The following C3 variants were observed in gnomAD, a reference collection of about 807,000 sequenced individuals.
The protein encoded by C3 is C3 and PZP-like alpha-2-macroglobulin domain-containing protein 1.
C3 carries 97 observed loss-of-function variants against 207.9 expected under a neutral mutation model. The ratio of observed to expected loss-of-function variants is 0.47; its 90% confidence interval spans 0.40 to 0.55. The LOEUF (loss-of-function observed/expected upper bound fraction) is 0.55, where lower values mean the gene tolerates loss of function less well. Among genes scored for constraint, C3 ranks in the 20% least tolerant of loss-of-function variants. C3 has a pLI of 0.00. For synonymous variants in C3, 848 were observed against 857.6 expected (o/e 0.99, Z 0.20); for missense variants, 1,684 against 2,171.7 (o/e 0.78, Z 4.46).
chr19:6,678,485 G>A, intron 38 of C3, 30 bp from the exon 39 acceptor site: 1 of 1,600,708 alleles, frequency 6.2e-7, no homozygotes, highest in Non-Finnish European at 8.6e-7. Context: ...AGTTTGGGTG[G>A]TGGGCTAGGT....
intron 26 of C3, 51 bp downstream of exon 26, chr19:6,692,873 G>A (rs760066822): frequency 2.3e-5 from 36 of 1,598,090 alleles, no homozygotes; most frequent in Non-Finnish European, 2.9e-5. Context: ...TTCATCCTGC[G>A]AGACTCAGGA....
chr19:6,705,215 TA>T (rs1459396139), intron 17 of C3, among the ~76,000 whole-genome samples: 1 of 152,208 alleles, frequency 6.6e-6, no homozygotes, highest in African/African-American at 2.4e-5. Context: ...ATGTAAACCA[TA>T]TTTCAGTAGA....
intron 7 of C3, 61 bp downstream of exon 7, chr19:6,713,931 C>T (rs1247878861): frequency 1.9e-6 from 2 of 1,078,142 alleles, no homozygotes; most frequent in African/African-American, 3.9e-5. Flanking sequence ...CCCAGTCCCC[C>T]ACCTGGTCTT....
Position 6,719,430 on chromosome 19 carries a change from C to A in C3, c.75-27G>T, listed in dbSNP as rs778155472. 21 of 1,604,730 alleles carry A rather than the reference C, an allele frequency of 1.3e-5. No homozygotes were observed. The East Asian group carries it at 2.2e-4, about 17-fold the overall frequency. On this transcript the variant is annotated intron_variant, in intron 1 of 40. Coordinates refer to ENST00000245907, the MANE Select transcript of C3 (RefSeq NM_000064.4). The surrounding 1 kb of genome is among the most constrained non-coding windows in gnomAD (Gnocchi z 5.4). ...TGTCGGAGTGGGGCACGGGAGTGGGCTTGTCATTCCACGGATGTGAGACGC... is the reference window on the plus strand; with the variant it reads ...TGTCGGAGTGGGGCACGGGAGTGGGATTGTCATTCCACGGATGTGAGACGC...
chr19:6,684,987 C>G lies in C3; in HGVS notation c.3969+1G>C. 6.2e-7 allele frequency: 1 copy of G among 1,613,350 alleles called. No individual in the cohort carries two copies. The highest frequency in any genetic ancestry group is 8.5e-7 in the Non-Finnish European group (1 of 1,179,910). On this transcript the variant is annotated splice_donor_variant, in intron 30 of 40. Transcript: ENST00000245907. LOFTEE classifies it high-confidence loss of function. Reference sequence around the variant, plus strand: ...AGGAGGGCTTGGCTGGGTGACTGTACCTCTTCTGATCGCAGGAGGCTGGCA... The same window carrying G: ...AGGAGGGCTTGGCTGGGTGACTGTAGCTCTTCTGATCGCAGGAGGCTGGCA...
In C3 at chr19:6,678,039, G is replaced by A. The variant is rs1337110121; in HGVS notation, c.4851-16C>T. The A allele has an allele frequency of 6.2e-7, 1 of 1,614,172 alleles. No homozygotes were observed. The highest frequency in any genetic ancestry group is 8.5e-7 in the Non-Finnish European group (1 of 1,180,018). ...GTAGCTGAGGCTGGAGGGAAGAATG[G>A]CAGGTCAGGAAGGGGCGTGGTGTGG... On this transcript the variant is annotated splice_polypyrimidine_tract_variant and intron_variant, in intron 40 of 40. Coordinates refer to ENST00000245907, the MANE Select transcript of C3 (RefSeq NM_000064.4).
At position 6,707,203 on chromosome 19, in the gene C3, C is replaced by T. The variant is rs755973774; in HGVS notation, c.2118G>A (p.Ser706=). ...DGMRENPMRF[S]CQRRTRFISL... is the part of the protein sequence containing the mutation. ...AGATGAAACGGGTCCGGCGCTGGCA[C>T]GAGAACCTCATGGGGTTCTCCCGCA... The change falls in exon 17 of 41, where the codon TCG becomes TCA. Residue 706 remains serine (S), a synonymous_variant. Transcript: ENST00000245907. The T allele has an allele frequency of 2.1e-5, 34 of 1,613,590 alleles. No individual in the cohort carries two copies. The Admixed American group carries it at 2.2e-4, about 10-fold the overall frequency.
rs1371438865 is a variant in C3, at chr19:6,712,289, T to C, written c.1237A>G (p.Thr413Ala). 6.2e-7 allele frequency: 1 copy of C among 1,614,010 alleles called. No homozygotes were observed. ...CTCAAGGGCTTCTGGCTGGGGTGTG[T>C]GTTGATGCTGAGTTTGGCCACGCCA... is the stretch of plus-strand genomic sequence containing the variant. ...GDGVAKLSINTHPSQKPLSIT... is the reference protein window; with the variant it reads ...GDGVAKLSINAHPSQKPLSIT... Residue 413 changes from threonine to alanine, a missense_variant, in exon 11 of 41, where the codon ACA (threonine) becomes GCA (alanine). Physicochemically the swap from Thr to Ala is moderately conservative, Grantham distance 58. Transcript: ENST00000245907.
At position 6,678,272 on chromosome 19, in the gene C3, T is replaced by C; in HGVS notation, c.4730A>G (p.Gln1577Arg). Residue 1577 changes from glutamine (Q) to arginine (R), a missense_variant, in exon 40 of 41, where the codon CAG becomes CGG. Gln to Arg is a conservative substitution (Grantham distance 43). Coordinates refer to ENST00000245907, the MANE Select transcript of C3 (RefSeq NM_000064.4). ...QTIKSGSDEV[Q>R]VGQQRTFISP... ...GATGAACGTGCGCTGCTGTCCAACCTGCACCTCATCCGAGCCTGGAGTGGA... is the reference window on the plus strand; with the variant it reads ...GATGAACGTGCGCTGCTGTCCAACCCGCACCTCATCCGAGCCTGGAGTGGA... 1 of 1,614,070 alleles carries C rather than the reference T, an allele frequency of 6.2e-7. No individual in the cohort carries two copies. The highest frequency in any genetic ancestry group is 1.1e-5 in the South Asian group (1 of 91,076).
At chr19:6,694,372 G>C in intron 24 of C3, 59 bp downstream of exon 24, 1 of 1,489,878 alleles carries the variant, frequency 6.7e-7, no homozygotes, top group Non-Finnish European at 9.4e-7. Context: ...TGGGATCTTA[G>C]GGGAGGGATG....
chr19:6,691,072 T>TG lies in C3; in HGVS notation c.3391-346dup, dbSNP rs1180338396. Among the ~76,000 whole-genome samples the TG allele has an allele frequency of 8.0e-4, 118 of 147,446 alleles. 1 individual carries two copies. In the South Asian group the frequency reaches 0.018, roughly 23 times the overall value. Reference sequence around the variant, plus strand: ...GATATACACTTTTTTTTTTTTTTTTTGGGACAGTTTTGCTCTTGTTGCCCA... The same window carrying TG: ...GATATACACTTTTTTTTTTTTTTTTTGGGGACAGTTTTGCTCTTGTTGCCCA... On this transcript the variant is annotated intron_variant, in intron 26 of 40. Transcript: ENST00000245907.
chr19:6,705,147 C>G (rs368498104), intron 17 of C3, among the ~76,000 whole-genome samples: 2 of 152,248 alleles, frequency 1.3e-5, no homozygotes, highest in African/African-American at 4.8e-5. Context: ...TTCTGACCCC[C>G]AATGGGCCAA....
intron 21 of C3, among the ~76,000 whole-genome samples, chr19:6,697,061 T>TAAAAAAAAAAAAAAA (rs1344751717): frequency 2.6e-5 from 2 of 76,542 alleles, no homozygotes; most frequent in African/African-American, 1.1e-4. Context: ...AACAAACAAA[T>TAAAAAAAAAAAAAAA]AAATAAATAA....
At chr19:6,706,274 T>C (rs1219072048) in intron 17 of C3, among the ~76,000 whole-genome samples, 1 of 152,194 alleles carries the variant, frequency 6.6e-6, no homozygotes, top group African/African-American at 2.4e-5. Context: ...GATGTCCAAT[T>C]CAGACTGATG....
chr19:6,687,624 AT>A (rs1918042587), intron 27 of C3, among the ~76,000 whole-genome samples: 1 of 152,136 alleles, frequency 6.6e-6, no homozygotes, highest in Non-Finnish European at 1.5e-5. Context: ...ACCTACCAAT[AT>A]GGTGTCGTTG....
In C3 at chr19:6,718,313, C is replaced by A. The variant is rs1265210034; in HGVS notation, c.367G>T (p.Val123Phe). 54 of 1,614,110 alleles carry A rather than the reference C, an allele frequency of 3.3e-5. No individual in the cohort carries two copies. Among genetic ancestry groups the A allele is most frequent in the Non-Finnish European group, 4.5e-5 (53 of 1,180,052 alleles). Reference protein sequence around the residue: ...GTQVVEKVVLVSLQSGYLFIQ... With the variant: ...GTQVVEKVVLFSLQSGYLFIQ... ...AAGAGGTACCCGCTCTGCAGGCTGA[C>A]CAGCACCACCTTCTCCACCACTTGG... The change falls in exon 3 of 41, where the codon GTC (valine) becomes TTC (phenylalanine). Residue 123 changes from valine to phenylalanine, a missense_variant. Physicochemically the swap from Val to Phe is conservative, Grantham distance 50. Around this residue, in one of 3 missense-constraint regions of C3, gnomAD observed 1,280 missense variants for 1,739.1 expected, o/e 0.74. Transcript: ENST00000245907.
chr19:6,717,292 A>G (rs1968051139), intron 4 of C3: 1 of 154,190 alleles, frequency 6.5e-6, no homozygotes, highest in Non-Finnish European at 1.4e-5. Context: ...CGATATTCAG[A>G]TAAGGTAACT....
At chr19:6,698,572 G>A (rs943190435) in intron 19 of C3, among the ~76,000 whole-genome samples, 2 of 151,824 alleles carry the variant, frequency 1.3e-5, no homozygotes, top group Admixed American at 6.6e-5. Flanking sequence ...AGCTAGGTGC[G>A]GTGGCTCATG....
intron 15 of C3, 85 bp downstream of exon 15, chr19:6,707,714 GC>G: frequency 6.3e-7 from 1 of 1,589,646 alleles, no homozygotes. Context: ...TTGAACCCAG[GC>G]CCCCGGTTTC....
Sources: gnomAD v4.1 joint callset for allele counts (sites outside exome capture counted in the v4.1 genomes callset) on GRCh38, gnomAD v4.1.1 for gene constraint, gnomAD v4.1.1 regional missense constraint, Gnocchi (gnomAD v3.1) non-coding constraint, MANE v1.5 for transcripts, NCBI Gene and HGNC (gene_info 2026-07-23, HGNC 2026-07-21) for gene names.